The following SYNE3 variants were observed in gnomAD, a reference collection of about 807,000 sequenced individuals.
The protein encoded by SYNE3 is nesprin-3.
A neutral mutation model predicts 111.2 loss-of-function variants in SYNE3; 100 were observed. That is an observed-to-expected ratio of 0.90 (90% CI 0.77 to 1.06). The LOEUF (loss-of-function observed/expected upper bound fraction) is 1.06, where lower values mean the gene tolerates loss of function less well. Among genes scored for constraint, SYNE3 ranks in the 50% least tolerant of loss-of-function variants. SYNE3 has a pLI of 0.00. For synonymous variants in SYNE3, 547 were observed against 533.9 expected (o/e 1.02, Z -0.34); for missense variants, 1,160 against 1,240.3 (o/e 0.94, Z 0.97).
At position 95,457,160 on chromosome 14, in the gene SYNE3, A is replaced by T. The variant is rs1245024033; in HGVS notation, c.789+17T>A. 1 of 1,611,364 alleles carries T rather than the reference A, an allele frequency of 6.2e-7. No homozygotes were observed. Reference sequence around the variant, plus strand: ...TGTCCCTAGGGTCCCTCTGGTTGAGACACAGCTGGGGATTACCTGCAGTGT... The same window carrying T: ...TGTCCCTAGGGTCCCTCTGGTTGAGTCACAGCTGGGGATTACCTGCAGTGT... On this transcript the variant is annotated intron_variant, in intron 5 of 17. Transcript: ENST00000682763.
At chr14:95,441,890 G>A (rs1886435813) in intron 11 of SYNE3, among the ~76,000 whole-genome samples, 1 of 152,264 alleles carries the variant, frequency 6.6e-6, no homozygotes, top group South Asian at 2.1e-4. Flanking sequence ...ACTAGGTGGA[G>A]TGAGAGGGAT....
At chr14:95,455,820 C>T (rs779705202) in intron 5 of SYNE3, 96 bp from the exon 6 acceptor site, 12 of 1,275,978 alleles carry the variant, frequency 9.4e-6, no homozygotes. Context: ...CTGCAAAACA[C>T]TGATTCCTGG....
At chr14:95,494,377 G>A (rs12587716) in intron 1 of SYNE3, among the ~76,000 whole-genome samples, 35,525 of 152,040 alleles carry the variant, frequency 0.23, 4,655 homozygotes, top group East Asian at 0.41. Flanking sequence ...GGATGAGCAG[G>A]GTCTGAATAA....
intron 17 of SYNE3, among the ~76,000 whole-genome samples, chr14:95,431,456 A>C (rs1885756665): frequency 6.6e-6 from 1 of 152,212 alleles, no homozygotes. Context: ...CCTGGCACAC[A>C]CAGTGGATGG....
At chr14:95,464,084 T>C (rs3783289) in intron 4 of SYNE3, among the ~76,000 whole-genome samples, 103,832 of 151,822 alleles carry the variant, frequency 0.68, 35,652 homozygotes, top group Admixed American at 0.73. Context: ...GATTTTCTAG[T>C]TCTGCTTATC....
intron 1 of SYNE3, among the ~76,000 whole-genome samples, chr14:95,495,204 T>C (rs566226378): frequency 1.3e-5 from 2 of 152,300 alleles, no homozygotes; most frequent in African/African-American, 4.8e-5. Context: ...AGCTTGCCAA[T>C]GTCTAATGAA....
intron 4 of SYNE3, 109 bp downstream of exon 4, chr14:95,465,822 A>G (rs1172443893): frequency 1.7e-6 from 2 of 1,172,238 alleles, no homozygotes; most frequent in Non-Finnish European, 2.3e-6. Flanking sequence ...AGATAGATTG[A>G]TAGTAGGTAA....
intron 2 of SYNE3, among the ~76,000 whole-genome samples, chr14:95,472,816 G>A (rs1473819976): frequency 1.3e-5 from 2 of 152,120 alleles, no homozygotes; most frequent in African/African-American, 4.8e-5. Context: ...TTAACCCCTC[G>A]GGAACACAAG....
chr14:95,515,734 C>A (rs1890896193), intron 1 of SYNE3, among the ~76,000 whole-genome samples: 1 of 152,182 alleles, frequency 6.6e-6, no homozygotes, highest in Non-Finnish European at 1.5e-5. Context: ...AAAGGGGTGA[C>A]CAGGAACCTG....
intron 17 of SYNE3, among the ~76,000 whole-genome samples, chr14:95,429,325 G>A (rs1442170986): frequency 6.6e-6 from 1 of 152,188 alleles, no homozygotes; most frequent in East Asian, 1.9e-4. Context: ...GAAGACTGCG[G>A]CTAAATGACT....
At chr14:95,497,729 C>T (rs1292052719) in intron 1 of SYNE3, among the ~76,000 whole-genome samples, 1 of 152,128 alleles carries the variant, frequency 6.6e-6, no homozygotes, top group Non-Finnish European at 1.5e-5. Flanking sequence ...AAAATAGCCA[C>T]AGATAGCATG....
intron 1 of SYNE3, among the ~76,000 whole-genome samples, chr14:95,493,713 C>T (rs111406178): frequency 0.012 from 1,762 of 152,296 alleles, 32 homozygotes; most frequent in African/African-American, 0.04. Context: ...CCAGCCGCCA[C>T]GGACAGCCTT....
intron 1 of SYNE3, among the ~76,000 whole-genome samples, chr14:95,492,050 G>A (rs556967065): frequency 2.0e-5 from 3 of 152,300 alleles, no homozygotes; most frequent in East Asian, 3.9e-4. Flanking sequence ...AGCCATCAGG[G>A]AAATGCAAAT....
At chr14:95,502,706 T>C (rs1313232440) in intron 1 of SYNE3, among the ~76,000 whole-genome samples, 1 of 152,206 alleles carries the variant, frequency 6.6e-6, no homozygotes, top group Non-Finnish European at 1.5e-5. Flanking sequence ...AACTCACCTC[T>C]GGCATTCGTT....
In SYNE3 at chr14:95,427,425, T is replaced by A. The variant is rs144885709; in HGVS notation, c.2727+4654A>T. ...ATCCGGAGGCCTAACCGTCTCCCTG[T>A]GATGCTGTGCTTCAGTGGTCACGCT... On this transcript the variant is annotated intron_variant, in intron 17 of 17. Transcript: ENST00000682763. Among the ~76,000 whole-genome samples the A allele has an allele frequency of 2.8e-3, 432 of 152,330 alleles. 23 individuals are homozygous for A. In the East Asian group the frequency reaches 0.065, roughly 23 times the overall value.
intron 6 of SYNE3, among the ~76,000 whole-genome samples, chr14:95,452,774 G>GT (rs1350979244): frequency 6.6e-6 from 1 of 152,236 alleles, no homozygotes; most frequent in Non-Finnish European, 1.5e-5. Flanking sequence ...GTGTCCCAAT[G>GT]TTATTTACAA....
chr14:95,455,450 G>A lies in SYNE3; in HGVS notation c.1064C>T (p.Ala355Val). 1 of 1,606,804 alleles carries A rather than the reference G, an allele frequency of 6.2e-7. No individual in the cohort carries two copies. Among genetic ancestry groups the A allele is most frequent in the Non-Finnish European group, 8.5e-7 (1 of 1,176,738 alleles). The change falls in exon 6 of 18, where the codon GCC becomes GTC. Residue 355 changes from alanine (A) to valine (V), a missense_variant. Coordinates refer to ENST00000682763, the MANE Select transcript of SYNE3 (RefSeq NM_152592.6). ...SEFRMVLQRLAQEGLQPAAKA... is the reference protein window; with the variant it reads ...SEFRMVLQRLVQEGLQPAAKA... ...CGCCGCAGGCTGCAGGCCCTCCTGGGCCAGCCTCTGCAGGACCATCCTGAA... is the reference window on the plus strand; with the variant it reads ...CGCCGCAGGCTGCAGGCCCTCCTGGACCAGCCTCTGCAGGACCATCCTGAA...
chr14:95,433,268 G>A lies in SYNE3; in HGVS notation c.2680C>T (p.His894Tyr). The A allele has an allele frequency of 1.2e-6, 2 of 1,613,844 alleles. No homozygotes were observed. Among genetic ancestry groups the A allele is most frequent in the Non-Finnish European group, 1.7e-6 (2 of 1,179,834 alleles). The change falls in exon 16 of 18, where the codon CAC (histidine) becomes TAC (tyrosine). Residue 894 changes from histidine (H) to tyrosine (Y), a missense_variant. Transcript: ENST00000682763. ...LYKSKLKDSG[H>Y]LLTQSSPGEP... ...ACATCCTTGGCACCTACCAGCAGGT[G>A]GCCAGAGTCCTTCAGCTTGGACTTG...
intron 17 of SYNE3, chr14:95,429,864 A>G: frequency 1.1e-6 from 1 of 886,674 alleles, no homozygotes; most frequent in Non-Finnish European, 1.3e-6. Flanking sequence ...TCAGCTGGAC[A>G]TGTGCGCTCT....
Sources: allele counts gnomAD v4.1 joint callset (sites outside exome capture counted in the v4.1 genomes callset), GRCh38; gene constraint gnomAD v4.1.1; transcripts MANE v1.5; gene names NCBI Gene and HGNC (gene_info 2026-07-23, HGNC 2026-07-21).